Variants in ABLIM2 observed in about 807,000 individuals in gnomAD.
The protein encoded by ABLIM2 is actin binding LIM protein family member 2.
Under a neutral mutation model 97.7 loss-of-function variants are expected in ABLIM2, and 53 were observed. The ratio of observed to expected loss-of-function variants is 0.54; its 90% CI spans 0.44 to 0.68. ABLIM2 has a LOEUF of 0.68. Ranked by LOEUF, ABLIM2 falls within the 30% of genes least tolerant of loss-of-function variation. ABLIM2 has a pLI of 0.00. For synonymous variants in ABLIM2, 361 were observed against 345.8 expected, an observed-to-expected ratio of 1.04 and a Z score of -0.49; for missense variants, 835 against 867.2, an observed-to-expected ratio of 0.96 and a Z score of 0.47.
At chr4:8,020,652 C>T (rs752651915) in intron 12 of ABLIM2, 127 of 324,932 alleles carry the variant, frequency 3.9e-4, no homozygotes, top group Admixed American at 7.8e-4. Flanking sequence ...ACTGCAAATT[C>T]GCCAAAACAA....
rs538480020 is a variant in ABLIM2, at chr4:8,054,440, C to T, written c.764-194G>A. Among the ~76,000 whole-genome samples, 60 of 152,358 alleles carry T rather than the reference C, an allele frequency of 3.9e-4. No individual in the cohort carries two copies. The highest frequency in any genetic ancestry group is 1.4e-3 in the African/African-American group (57 of 41,582). On this transcript the variant is annotated intron_variant, in intron 7 of 20. Transcript: ENST00000447017. This position sits in a 1 kb window ranked among gnomAD's most constrained non-coding sequence, Gnocchi z 4.9. ...GGGTACCCAGATCACAGTCCCCGCC[C>T]CTCAGGGGCTCACAGCCCAGTTGTG...
At chr4:8,028,572 C>T (rs1174084811) in intron 11 of ABLIM2, among the ~76,000 whole-genome samples, 2 of 152,166 alleles carry the variant, frequency 1.3e-5, no homozygotes, top group Non-Finnish European at 2.9e-5. Context: ...TTCACTTGCT[C>T]ACTCACTCAT....
intron 14 of ABLIM2, among the ~76,000 whole-genome samples, chr4:8,014,830 C>A (rs1339282176): frequency 6.6e-6 from 1 of 152,180 alleles, no homozygotes; most frequent in Non-Finnish European, 1.5e-5. Context: ...GGAAAGTGGG[C>A]CTGCAGTCTC....
chr4:7,990,380 T>C (rs539781282), intron 17 of ABLIM2, among the ~76,000 whole-genome samples: 13 of 152,234 alleles, frequency 8.5e-5, no homozygotes, highest in African/African-American at 3.1e-4. Context: ...GTATTTTTAG[T>C]AGAGACAGGG....
Position 7,966,933 on chromosome 4 carries a change from G to A in ABLIM2, c.*57C>T, listed in dbSNP as rs997068025. 7.3e-6 allele frequency: 10 copies of A among 1,370,160 alleles called. No individual in the cohort carries two copies. The highest frequency in any genetic ancestry group is 1.5e-5 in the African/African-American group (1 of 66,740). The allele number at this position is 1,370,160 out of a possible 1,614,324, so 84.9% of individuals were successfully genotyped here. On this transcript the variant is annotated 3_prime_UTR_variant, in exon 21 of 21. Transcript: ENST00000447017. ...TGTGGGAGGGGTGTGTGCGGTTCTC[G>A]CCAGGGGCCCCTGGCCTCGGCGCCC... is the stretch of plus-strand genomic sequence containing the variant.
intron 18 of ABLIM2, 85 bp downstream of exon 18, chr4:7,984,754 T>G: frequency 1.2e-5 from 17 of 1,385,892 alleles, no homozygotes; most frequent in Non-Finnish European, 1.7e-5. Flanking sequence ...AGGCTGCGGA[T>G]GGGGTGGTTT....
Position 8,040,781 on chromosome 4 carries a change from T to C in ABLIM2, c.900+4383A>G, listed in dbSNP as rs369830994. Among the ~76,000 whole-genome samples the C allele has an allele frequency of 5.0e-3, 764 of 152,298 alleles. 7 individuals are homozygous for C. The highest frequency in any genetic ancestry group is 0.017 in the African/African-American group (715 of 41,558). On this transcript the variant is annotated intron_variant, in intron 9 of 20. Coordinates refer to ENST00000447017, the MANE Select transcript of ABLIM2 (RefSeq NM_001130083.2). ...AGCAGGGCTGTTCGGGCTTCTGGCCTGTCTGGCCCCTGGGAGGGCTGGGAT... is the reference window on the plus strand; with the variant it reads ...AGCAGGGCTGTTCGGGCTTCTGGCCCGTCTGGCCCCTGGGAGGGCTGGGAT...
At chr4:8,018,160 AG>A (rs1770862126) in intron 14 of ABLIM2, among the ~76,000 whole-genome samples, 1 of 152,134 alleles carries the variant, frequency 6.6e-6, no homozygotes, top group Non-Finnish European at 1.5e-5. Flanking sequence ...CCCCTTTCTA[AG>A]GGGCAGACCC....
intron 12 of ABLIM2, among the ~76,000 whole-genome samples, chr4:8,024,827 G>A (rs1261112743): frequency 6.6e-6 from 1 of 152,248 alleles, no homozygotes; most frequent in Non-Finnish European, 1.5e-5. Context: ...GTGTTCCCAA[G>A]GTTACGGACA....
At chr4:8,137,338 T>C (rs1376719164) in intron 1 of ABLIM2, among the ~76,000 whole-genome samples, 1 of 152,198 alleles carries the variant, frequency 6.6e-6, no homozygotes, top group Admixed American at 6.5e-5. Flanking sequence ...AGAAAGGGCA[T>C]GAACCCCGGA....
chr4:8,098,662 C>T (rs901931104), intron 2 of ABLIM2, among the ~76,000 whole-genome samples: 2 of 152,182 alleles, frequency 1.3e-5, no homozygotes, highest in African/African-American at 2.4e-5. Context: ...ATTCGAATCC[C>T]AGCTCTACCC....
chr4:8,052,527 G>A (rs1389589528), intron 8 of ABLIM2, among the ~76,000 whole-genome samples: 2 of 152,242 alleles, frequency 1.3e-5, no homozygotes, highest in East Asian at 1.9e-4. Flanking sequence ...TTCTGCCACT[G>A]TGGAAGGCAG....
Position 8,080,679 on chromosome 4 carries a change from C to T in ABLIM2, c.578G>A (p.Ser193Asn). 3 of 1,603,648 alleles carry T rather than the reference C, an allele frequency of 1.9e-6. No homozygotes were observed. The East Asian group carries it at 6.7e-5, about 36-fold the overall frequency. ...CTAGAGCCCTCCCCCCACTTACTTG[C>T]TGATGTACTCGGCATTCAGGAGCTT... ...CGKLLNAEYISKDGLPYCEAD... is the reference protein window; with the variant it reads ...CGKLLNAEYINKDGLPYCEAD... The change falls in exon 5 of 21, where the codon AGC becomes AAC. Residue 193 changes from serine (S) to asparagine (N), a missense_variant. Ser to Asn is a conservative substitution (Grantham distance 46). Transcript: ENST00000447017.
At chr4:8,143,918 G>A (rs58901706) in intron 1 of ABLIM2, among the ~76,000 whole-genome samples, 2 of 152,056 alleles carry the variant, frequency 1.3e-5, no homozygotes, top group African/African-American at 4.8e-5. Flanking sequence ...CATCCTTCCT[G>A]GTGTTGGTCT....
Position 8,130,273 on chromosome 4 carries a change from C to G in ABLIM2, c.11-23636G>C, listed in dbSNP as rs772198681. Reference sequence around the variant, plus strand: ...ATGGCTGAGGCCCGGCCGCATCTGTCACCAGTTCCGGGATGGCCCATGCTG... The same window carrying G: ...ATGGCTGAGGCCCGGCCGCATCTGTGACCAGTTCCGGGATGGCCCATGCTG... On this transcript the variant is annotated intron_variant, in intron 1 of 20. Coordinates refer to ENST00000447017, the MANE Select transcript of ABLIM2 (RefSeq NM_001130083.2). This position sits in a 1 kb window ranked among gnomAD's most constrained non-coding sequence, Gnocchi z 4.2. 6.6e-6 allele frequency among the ~76,000 whole-genome samples: 1 copy of G among 152,212 alleles called. No individual in the cohort carries two copies. The highest frequency in any genetic ancestry group is 1.5e-5 in the Non-Finnish European group (1 of 68,042).
intron 1 of ABLIM2, among the ~76,000 whole-genome samples, chr4:8,157,895 C>T (rs1261762520): frequency 1.3e-5 from 2 of 152,272 alleles, no homozygotes; most frequent in Admixed American, 6.5e-5. Context: ...GCCCTCAGCC[C>T]GGTGCGGGCC....
chr4:8,011,957 C>CTTAT (rs1259571211), intron 14 of ABLIM2, among the ~76,000 whole-genome samples: 2 of 152,198 alleles, frequency 1.3e-5, no homozygotes, highest in African/African-American at 4.8e-5. Flanking sequence ...GTGTGCATCC[C>CTTAT]TTACTGCTTT....
rs188300779 is a variant in ABLIM2, at chr4:7,975,338, C to T, written c.1824+7926G>A. 5.4e-3 allele frequency among the ~76,000 whole-genome samples: 823 copies of T among 152,334 alleles called. 30 individuals carry two copies. Among genetic ancestry groups the T allele is most frequent in the Admixed American group, 0.049 (744 of 15,302 alleles). On this transcript the variant is annotated intron_variant, in intron 20 of 20. Transcript: ENST00000447017. ...CTTATGAGCTCTGTGTGCTGAACCC[C>T]GCTCTGCATGTTGGCACCACCTGAT...
chr4:8,031,363 C>T (rs919906063), intron 10 of ABLIM2, among the ~76,000 whole-genome samples: 1 of 152,226 alleles, frequency 6.6e-6, no homozygotes, highest in Admixed American at 6.5e-5. Context: ...GGAAGGGAAG[C>T]TGACATCCCT....
Sources: allele counts gnomAD v4.1 joint callset (sites outside exome capture counted in the v4.1 genomes callset), GRCh38; gene constraint gnomAD v4.1.1; non-coding constraint Gnocchi (gnomAD v3.1); transcripts MANE v1.5; gene names NCBI Gene and HGNC (gene_info 2026-07-23, HGNC 2026-07-21).